Variants in APBA2 observed in about 807,000 individuals in gnomAD.
APBA2 encodes the protein amyloid beta precursor protein binding family A member 2, also known as amyloid-beta A4 precursor protein-binding family A member 2.
APBA2 carries 30 observed loss-of-function variants against 75.0 expected under a neutral mutation model. The observed-to-expected ratio is 0.40, with a 90% confidence interval of 0.30 to 0.54. APBA2 has a LOEUF of 0.54. Ranked by LOEUF, APBA2 falls within the 20% of genes least tolerant of loss-of-function variation. The probability of loss-of-function intolerance (pLI) is 0.49; values close to 1 mark genes in which losing one functional copy is unlikely to be tolerated. For synonymous variants in APBA2, 444 were observed against 409.6 expected (o/e 1.08, Z -1.01); for missense variants, 801 against 1,016.1 (o/e 0.79, Z 2.88).
intron 2 of APBA2, among the ~76,000 whole-genome samples, chr15:28,941,610 G>C (rs144695618): frequency 0.011 from 1,676 of 152,140 alleles, 25 homozygotes; most frequent in Non-Finnish European, 0.018. Context: ...ATGGAGCAGG[G>C]TGGGGCTATG....
intron 3 of APBA2, among the ~76,000 whole-genome samples, chr15:29,043,789 C>G (rs2041169743): frequency 6.6e-6 from 1 of 152,152 alleles, no homozygotes; most frequent in East Asian, 1.9e-4. Context: ...CCCTTTGTGA[C>G]CCTAAGCTAG....
intron 4 of APBA2, among the ~76,000 whole-genome samples, chr15:29,073,471 C>T (rs887771160): frequency 1.3e-5 from 2 of 152,348 alleles, no homozygotes; most frequent in African/African-American, 2.4e-5. Context: ...CTGCCTCAGC[C>T]TCCCGTGTAG....
At chr15:29,019,817 T>C (rs1000318047) in intron 3 of APBA2, among the ~76,000 whole-genome samples, 4 of 152,254 alleles carry the variant, frequency 2.6e-5, no homozygotes, top group Admixed American at 6.5e-5. Context: ...TGCTGGTGGG[T>C]TAATGCTTCT....
chr15:28,935,779 T>G (rs79896966), intron 2 of APBA2, among the ~76,000 whole-genome samples: 10,470 of 152,202 alleles, frequency 0.069, 1,214 homozygotes, highest in African/African-American at 0.24. Flanking sequence ...GTTCCTAATT[T>G]GGGTCCCCTA....
intron 4 of APBA2, among the ~76,000 whole-genome samples, chr15:29,066,272 G>A (rs1344817566): frequency 6.6e-6 from 1 of 152,174 alleles, no homozygotes; most frequent in Non-Finnish European, 1.5e-5. Context: ...GCAGTGGTGG[G>A]TCAGGGCTCC....
chr15:28,895,343 C>T (rs966658013), intron 1 of APBA2, among the ~76,000 whole-genome samples: 5 of 152,038 alleles, frequency 3.3e-5, no homozygotes, highest in Non-Finnish European at 4.4e-5. Flanking sequence ...TCTGGTCCTG[C>T]GTCAGGAGAG....
intron 3 of APBA2, among the ~76,000 whole-genome samples, chr15:29,027,887 G>T (rs369759911): frequency 6.6e-6 from 1 of 152,048 alleles, no homozygotes; most frequent in South Asian, 2.1e-4. Flanking sequence ...ACAGGCGTGA[G>T]CCACCGTGCC....
chr15:29,025,681 G>C (rs757400992), intron 3 of APBA2, among the ~76,000 whole-genome samples: 17 of 151,694 alleles, frequency 1.1e-4, no homozygotes, highest in Non-Finnish European at 2.1e-4. Flanking sequence ...GCTGGGCGTG[G>C]TGGCTCACGC....
chr15:29,070,628 A>G (rs1304848250), intron 4 of APBA2: 1 of 169,698 alleles, frequency 5.9e-6, no homozygotes, highest in East Asian at 1.7e-4. Context: ...TGAGCCACGC[A>G]GATGTCAGGG....
At chr15:28,922,894 C>T (rs1206918068) in intron 2 of APBA2, among the ~76,000 whole-genome samples, 2 of 152,228 alleles carry the variant, frequency 1.3e-5, no homozygotes, top group East Asian at 1.9e-4. Flanking sequence ...AAGCCACGGT[C>T]ACTCCCCTAA....
chr15:29,062,425 T>C (rs2042168619), intron 4 of APBA2, among the ~76,000 whole-genome samples: 1 of 152,138 alleles, frequency 6.6e-6, no homozygotes, highest in South Asian at 2.1e-4. Flanking sequence ...CGGGTGTGCA[T>C]TGACGTTTCA....
intron 3 of APBA2, among the ~76,000 whole-genome samples, chr15:29,038,827 C>G (rs2040876595): frequency 6.6e-6 from 1 of 152,078 alleles, no homozygotes; most frequent in South Asian, 2.1e-4. Flanking sequence ...GTGTGCGCCA[C>G]CACACCTGGC....
Position 29,057,349 on chromosome 15 carries a change from C to G in APBA2, c.951+2514C>G, listed in dbSNP as rs372849016. 1.8e-4 allele frequency among the ~76,000 whole-genome samples: 27 copies of G among 152,298 alleles called. No homozygotes were observed. The East Asian group carries it at 3.7e-3, about 21-fold the overall frequency. ...GGAGGAAATTGTGTAGCAACCCTCC[C>G]CTCTCTTCTACTCATTTTACAGCTT... is the stretch of plus-strand genomic sequence containing the variant. On this transcript the variant is annotated intron_variant, in intron 4 of 14. Transcript: ENST00000683413.
intron 3 of APBA2, among the ~76,000 whole-genome samples, chr15:29,022,969 T>C (rs2040026346): frequency 6.6e-6 from 1 of 152,234 alleles, no homozygotes; most frequent in African/African-American, 2.4e-5. Flanking sequence ...TGAAATATTT[T>C]TTATTATTAC....
chr15:29,008,659 T>C (rs1425470170), intron 3 of APBA2, among the ~76,000 whole-genome samples: 1 of 152,110 alleles, frequency 6.6e-6, no homozygotes, highest in African/African-American at 2.4e-5. Context: ...CAGTGAGCTG[T>C]GATCATATCA....
At chr15:28,887,324 T>C (rs1367325579) in intron 1 of APBA2, among the ~76,000 whole-genome samples, 1 of 152,070 alleles carries the variant, frequency 6.6e-6, no homozygotes, top group Non-Finnish European at 1.5e-5. Context: ...TGTTTTTGTT[T>C]TATTTTTCTG....
chr15:28,898,624 C>A (rs1352790529), intron 1 of APBA2, among the ~76,000 whole-genome samples: 1 of 152,064 alleles, frequency 6.6e-6, no homozygotes, highest in East Asian at 1.9e-4. Context: ...GATGATGTCC[C>A]CTTTCCCCAT....
At chr15:29,111,025 G>A (rs1043160563) in intron 13 of APBA2, among the ~76,000 whole-genome samples, 11 of 152,126 alleles carry the variant, frequency 7.2e-5, no homozygotes, top group African/African-American at 2.7e-4. Context: ...GGGTTTCTCA[G>A]AAGATCAGGG....
At chr15:28,971,336 A>C (rs1398497143) in intron 2 of APBA2, among the ~76,000 whole-genome samples, 1 of 152,200 alleles carries the variant, frequency 6.6e-6, no homozygotes, top group African/African-American at 2.4e-5. Context: ...AGTTGCCCAT[A>C]GTCCATGATT....
Sources: allele counts gnomAD v4.1 joint callset (sites outside exome capture counted in the v4.1 genomes callset), GRCh38; gene constraint gnomAD v4.1.1; transcripts MANE v1.5; gene names NCBI Gene and HGNC (gene_info 2026-07-23, HGNC 2026-07-21).